Variants in ASPG observed in about 807,000 individuals in gnomAD.
ASPG encodes 60 kDa lysophospholipase.
Under a neutral mutation model 63.2 loss-of-function variants are expected in ASPG, and 53 were observed. The observed-to-expected ratio is 0.84, with a 90% CI of 0.67 to 1.05. The LOEUF is 1.05. Among genes scored for constraint, ASPG ranks in the 50% least tolerant of loss-of-function variants. ASPG has a pLI of 0.00. For synonymous variants in ASPG, 370 were observed against 355.0 expected (o/e 1.04, Z -0.48); for missense variants, 741 against 794.4 (o/e 0.93, Z 0.81).
chr14:104,111,289 G>A (rs576952357), intron 13 of ASPG: 12 of 805,674 alleles, frequency 1.5e-5, no homozygotes, highest in East Asian at 1.2e-4. Context: ...ATGTGTACCC[G>A]ACTTGAGTCG....
At chr14:104,106,238 C>T (rs998887420) in intron 10 of ASPG, among the ~76,000 whole-genome samples, 19 of 152,200 alleles carry the variant, frequency 1.2e-4, no homozygotes, top group African/African-American at 3.9e-4. Flanking sequence ...ACGTTGTACC[C>T]GCTGGGTGTG....
chr14:104,101,598 C>T (rs1198374254), intron 6 of ASPG, among the ~76,000 whole-genome samples: 2 of 152,204 alleles, frequency 1.3e-5, no homozygotes, highest in African/African-American at 4.8e-5. Flanking sequence ...AGCCCTGACC[C>T]CGGCCCACTC....
chr14:104,111,572 G>A lies in ASPG; in HGVS notation c.1591G>A (p.Gly531Ser), dbSNP rs1234712561. ...GGCAGGGGCTGACCTGGGGCAGCCG[G>A]GCTATGACGGGCACAGCGCCCTGCA... ...WQAGADLGQP[G>S]YDGHSALHVA... The change falls in exon 14 of 16, where the codon GGC becomes AGC. Residue 531 changes from glycine to serine, a missense_variant. Gly to Ser is a moderately conservative substitution (Grantham distance 56). Coordinates refer to ENST00000551177, the MANE Select transcript of ASPG (RefSeq NM_001080464.3). The A allele has an allele frequency of 1.9e-6, 3 of 1,551,342 alleles. No individual in the cohort carries two copies. The East Asian group carries it at 7.3e-5, about 38-fold the overall frequency.
intron 1 of ASPG, 117 bp from the exon 2 acceptor site, chr14:104,092,516 G>C: frequency 1.2e-6 from 1 of 857,430 alleles, no homozygotes; most frequent in South Asian, 1.6e-5. Context: ...CCCAGCCTCT[G>C]ACTGTCATAA....
At chr14:104,098,600 T>A (rs556710927) in intron 5 of ASPG, among the ~76,000 whole-genome samples, 1 of 152,250 alleles carries the variant, frequency 6.6e-6, no homozygotes, top group East Asian at 1.9e-4. Context: ...CCCAGCCACT[T>A]GCACGCCCCA....
rs1234261622 is a variant in ASPG at position 104,113,937 on chromosome 14, A to T, written c.*1393A>T. The T allele has an allele frequency of 6.6e-6, 1 of 152,364 alleles. No homozygotes were observed. The highest frequency in any genetic ancestry group is 1.5e-5 in the Non-Finnish European group (1 of 68,132). 9.4% of individuals were successfully genotyped at this position (152,364 alleles called of 1,614,324 possible). ...GTCCCCGGATGGCCGAGACCCTTGGAGGGCCTTGGGAGAGGCGGTGGGGCA... is the reference window on the plus strand; with the variant it reads ...GTCCCCGGATGGCCGAGACCCTTGGTGGGCCTTGGGAGAGGCGGTGGGGCA... On this transcript the variant is annotated 3_prime_UTR_variant, in exon 16 of 16. Coordinates refer to ENST00000551177, the MANE Select transcript of ASPG (RefSeq NM_001080464.3).
At chr14:104,108,608 T>G in intron 12 of ASPG, 1 of 985,442 alleles carries the variant, frequency 1.0e-6, no homozygotes, top group Non-Finnish European at 1.2e-6. Context: ...GGCACAGTCT[T>G]TAGGTCACCC....
chr14:104,107,141 T>C (rs757469927), intron 11 of ASPG, 41 bp from the exon 12 acceptor site: 3 of 1,526,590 alleles, frequency 2.0e-6, no homozygotes, highest in South Asian at 2.6e-5. Flanking sequence ...TGGCCCCGCC[T>C]GGGTCTCCCT....
intron 1 of ASPG, among the ~76,000 whole-genome samples, 181 bp from the exon 2 acceptor site, chr14:104,092,452 G>A (rs762400353): frequency 1.3e-5 from 2 of 152,156 alleles, no homozygotes; most frequent in South Asian, 2.1e-4. Context: ...GCTTCCAAAC[G>A]CGGGTCAGCC....
intron 12 of ASPG, chr14:104,108,586 G>A: frequency 1.0e-6 from 1 of 985,450 alleles, no homozygotes; most frequent in Non-Finnish European, 1.2e-6. Flanking sequence ...TGGGGGCACG[G>A]CCAGCGATTA....
chr14:104,091,522 A>G lies in ASPG; in HGVS notation c.83-1111A>G, dbSNP rs1375529319. On this transcript the variant is annotated intron_variant, in intron 1 of 15. Coordinates refer to ENST00000551177, the MANE Select transcript of ASPG (RefSeq NM_001080464.3). This position sits in a 1 kb window ranked among gnomAD's most constrained non-coding sequence, Gnocchi z 6.4. Reference sequence around the variant, plus strand: ...GCTCCACAGGCCTTTGTGTAAGGCCAGAGGAGGATCACGGGTGCCATAAAC... The same window carrying G: ...GCTCCACAGGCCTTTGTGTAAGGCCGGAGGAGGATCACGGGTGCCATAAAC... Among the ~76,000 whole-genome samples, 2 of 152,098 alleles carry G rather than the reference A, an allele frequency of 1.3e-5. No individual in the cohort carries two copies. Among genetic ancestry groups the G allele is most frequent in the African/African-American group, 4.8e-5 (2 of 41,424 alleles).
At chr14:104,090,730 C>T (rs537133169) in intron 1 of ASPG, among the ~76,000 whole-genome samples, 11 of 152,250 alleles carry the variant, frequency 7.2e-5, no homozygotes, top group Non-Finnish European at 1.0e-4. Context: ...CACGAGAGGG[C>T]GTTTAGGGCC....
In ASPG at chr14:104,105,417, G is replaced by T; in HGVS notation, c.1140G>T (p.Gly380=). The T allele has an allele frequency of 6.2e-7, 1 of 1,609,810 alleles. No homozygotes were observed. The highest frequency in any genetic ancestry group is 8.5e-7 in the Non-Finnish European group (1 of 1,178,508). ...TGCAGGGCAACACGCTGGGCGGTGG[G>T]GTCTCCTGGCTCCTCAGTCTGAGCG... The part of the protein sequence containing the change: ...PSLQGNTLGG[G]VSWLLSLSGS... The change falls in exon 10 of 16, where the codon GGG becomes GGT. Residue 380 remains glycine (G), a synonymous_variant. Transcript: ENST00000551177.
chr14:104,106,980 C>A, intron 11 of ASPG, 86 bp downstream of exon 11: 1 of 1,393,380 alleles, frequency 7.2e-7, no homozygotes, highest in Non-Finnish European at 9.8e-7. Context: ...GCCTTTCATC[C>A]ACCCACTGAC....
chr14:104,109,011 T>A lies in ASPG; in HGVS notation c.1434-218T>A. 1 of 984,830 alleles carries A rather than the reference T, an allele frequency of 1.0e-6. No individual in the cohort carries two copies. 61.0% of individuals were successfully genotyped at this position (984,830 alleles called of 1,614,324 possible). On this transcript the variant is annotated intron_variant, in intron 12 of 15. Transcript: ENST00000551177. This position sits in a 1 kb window ranked among gnomAD's most constrained non-coding sequence, Gnocchi z 4.8. ...AGACCTCAGCTGCCCTAAGAAGGAG[T>A]ACTGGACAAATGGAGGTGGTGGGAT...
At chr14:104,087,239 T>C (rs1053540600) in intron 1 of ASPG, among the ~76,000 whole-genome samples, 4 of 152,218 alleles carry the variant, frequency 2.6e-5, no homozygotes, top group Non-Finnish European at 5.9e-5. Context: ...CTTCTGCCTG[T>C]GAATGGAACA....
rs757612938 is a variant in ASPG at position 104,109,243 on chromosome 14, T to C, written c.1448T>C (p.Ile483Thr). The C allele has an allele frequency of 6.2e-6, 10 of 1,613,158 alleles. No homozygotes were observed. The highest frequency in any genetic ancestry group is 3.3e-5 in the Admixed American group (2 of 59,964). The change falls in exon 13 of 16, where the codon ATT (isoleucine) becomes ACT (threonine). Residue 483 changes from isoleucine (I) to threonine (T), a missense_variant. Ile to Thr is a moderately conservative substitution (Grantham distance 89). Coordinates refer to ENST00000551177, the MANE Select transcript of ASPG (RefSeq NM_001080464.3). This position sits in a 1 kb window ranked among gnomAD's most constrained non-coding sequence, Gnocchi z 4.8. ...TTCTCACACAGGCATCCGGGTGTCA[T>C]TGGGTTGCTGCGGGAAGCCGGGGCC... ...LAVRGRHPGV[I>T]GLLREAGASL...
At chr14:104,104,175 C>T (rs1225640798) in intron 7 of ASPG, 129 bp from the exon 8 acceptor site, 12 of 1,082,332 alleles carry the variant, frequency 1.1e-5, no homozygotes, top group South Asian at 3.3e-5. Context: ...GCCCCACTGT[C>T]CCGGGAGCAG....
At chr14:104,099,646 T>G (rs2036784176) in intron 6 of ASPG, among the ~76,000 whole-genome samples, 2 of 152,210 alleles carry the variant, frequency 1.3e-5, no homozygotes, top group Admixed American at 1.3e-4. Flanking sequence ...ACCCGGCCCC[T>G]GCCTGTTCCA....
Sources: gnomAD v4.1 joint callset for allele counts (sites outside exome capture counted in the v4.1 genomes callset) on GRCh38, gnomAD v4.1.1 for gene constraint, Gnocchi (gnomAD v3.1) non-coding constraint, MANE v1.5 for transcripts, NCBI Gene and HGNC (gene_info 2026-07-23, HGNC 2026-07-21) for gene names.